PRKCA: variants seen among roughly 807,000 people sequenced by gnomAD.
PRKCA encodes the protein protein kinase C alpha, also known as protein kinase C alpha type.
A neutral mutation model predicts 87.0 loss-of-function variants in PRKCA; 27 were observed. The observed-to-expected ratio is 0.31, with a 90% confidence interval of 0.23 to 0.43. The LOEUF is 0.43. Ranked by LOEUF, PRKCA falls within the 20% of genes least tolerant of loss-of-function variation. The pLI, the probability that PRKCA is intolerant of heterozygous loss-of-function variation, is 1.00. For synonymous variants in PRKCA, 329 were observed against 311.1 expected (o/e 1.06, Z -0.61); for missense variants, 518 against 852.3 (o/e 0.61, Z 4.88).
At chr17:66,483,756 A>G (rs1055823845) in intron 2 of PRKCA, among the ~76,000 whole-genome samples, 2 of 152,212 alleles carry the variant, frequency 1.3e-5, no homozygotes, top group East Asian at 3.9e-4. Context: ...CACCGCACCC[A>G]GCCCAAATTT....
chr17:66,745,041 G>A (rs1473248289), intron 13 of PRKCA, among the ~76,000 whole-genome samples: 1 of 152,210 alleles, frequency 6.6e-6, no homozygotes, highest in Non-Finnish European at 1.5e-5. Context: ...CATCTCCCTA[G>A]CTCAAGATCC....
intron 2 of PRKCA, among the ~76,000 whole-genome samples, chr17:66,427,351 A>T (rs551879132): frequency 6.6e-6 from 1 of 152,318 alleles, no homozygotes; most frequent in Admixed American, 6.5e-5. Context: ...TTTTGTAAAT[A>T]AAGTTTTATT....
At chr17:66,672,305 G>T (rs1213681094) in intron 5 of PRKCA, among the ~76,000 whole-genome samples, 1 of 152,140 alleles carries the variant, frequency 6.6e-6, no homozygotes, top group Non-Finnish European at 1.5e-5. Context: ...TGAATAAGGA[G>T]TTAAGTCAGG....
intron 3 of PRKCA, among the ~76,000 whole-genome samples, chr17:66,518,166 C>T (rs1026119479): frequency 3.9e-5 from 6 of 152,150 alleles, no homozygotes; most frequent in South Asian, 2.1e-4. Context: ...AAATATTAGG[C>T]GAGGAGAAGG....
chr17:66,744,699 C>T (rs1025516999), intron 13 of PRKCA, among the ~76,000 whole-genome samples: 1 of 152,130 alleles, frequency 6.6e-6, no homozygotes, highest in Non-Finnish European at 1.5e-5. Flanking sequence ...TAACAGATAA[C>T]CACAAACTCA....
At chr17:66,802,062 A>G (rs72838639) in intron 16 of PRKCA, among the ~76,000 whole-genome samples, 45 of 152,218 alleles carry the variant, frequency 3.0e-4, no homozygotes, top group African/African-American at 7.0e-4. Context: ...CAATACAAAA[A>G]ATGCAAAAAA....
intron 2 of PRKCA, among the ~76,000 whole-genome samples, chr17:66,384,677 G>T (rs1365230023): frequency 1.3e-5 from 2 of 151,926 alleles, no homozygotes; most frequent in Admixed American, 6.6e-5. Flanking sequence ...CGCCCAGGCT[G>T]GAGTGTAGTG....
At position 66,807,878 on chromosome 17, in the gene PRKCA, A is replaced by C. The variant is rs544471125; in HGVS notation, c.*3841A>C. ...CCAGAGAAGAACAGGGTTTGGGTGC[A>C]TCCAGAAATATGCCTGCAGTAGGAG... On this transcript the variant is annotated 3_prime_UTR_variant, in exon 17 of 17. Coordinates refer to ENST00000413366, the MANE Select transcript of PRKCA (RefSeq NM_002737.3). This position sits in a 1 kb window ranked among gnomAD's most constrained non-coding sequence, Gnocchi z 4.3. The C allele has an allele frequency of 1.8e-4, 27 of 152,452 alleles. No homozygotes were observed. The highest frequency in any genetic ancestry group is 6.5e-4 in the African/African-American group (27 of 41,586). The allele number at this position is 152,452 out of a possible 1,614,324, so 9.4% of individuals were successfully genotyped here.
chr17:66,350,941 G>T (rs146842265), intron 2 of PRKCA, among the ~76,000 whole-genome samples: 1 of 152,190 alleles, frequency 6.6e-6, no homozygotes, highest in Non-Finnish European at 1.5e-5. Flanking sequence ...TGTGGAACTC[G>T]CAGCGTTCTT....
chr17:66,607,620 C>T (rs1970248368), intron 3 of PRKCA, among the ~76,000 whole-genome samples: 1 of 152,150 alleles, frequency 6.6e-6, no homozygotes, highest in Non-Finnish European at 1.5e-5. Flanking sequence ...CATCTGGTTC[C>T]TTAGCCAATT....
At chr17:66,308,426 G>A (rs1224689124) in intron 2 of PRKCA, among the ~76,000 whole-genome samples, 1 of 151,848 alleles carries the variant, frequency 6.6e-6, no homozygotes, top group African/African-American at 2.4e-5. Context: ...TTAGCCATTT[G>A]TGTTGTGTGA....
chr17:66,457,571 AT>A (rs1375868701), intron 2 of PRKCA, among the ~76,000 whole-genome samples: 1 of 152,032 alleles, frequency 6.6e-6, no homozygotes, highest in African/African-American at 2.4e-5. Context: ...AGTTCCCATA[AT>A]CCCCATGTGG....
chr17:66,612,381 C>CAAAAAAAAAAAAA, intron 3 of PRKCA, among the ~76,000 whole-genome samples: 1 of 87,858 alleles, frequency 1.1e-5, no homozygotes, highest in Non-Finnish European at 2.3e-5. Flanking sequence ...AAATCTGTCT[C>CAAAAAAAAAAAAA]AAAAAAAAAA....
In PRKCA at chr17:66,671,376, C is replaced by G. The variant is rs538969384; in HGVS notation, c.530-15735C>G. ...TGTTTTCAGCCCCTCCCCTTGCTAG[C>G]TGGGTGACCTTGTCCTAGGTACTGC... On this transcript the variant is annotated intron_variant, in intron 5 of 16. Transcript: ENST00000413366. Among the ~76,000 whole-genome samples the G allele has an allele frequency of 2.6e-5, 4 of 152,168 alleles. No individual in the cohort carries two copies. In the East Asian group the frequency reaches 5.8e-4, roughly 22 times the overall value.
At chr17:66,336,124 A>G (rs1054012252) in intron 2 of PRKCA, among the ~76,000 whole-genome samples, 1 of 152,160 alleles carries the variant, frequency 6.6e-6, no homozygotes, top group Non-Finnish European at 1.5e-5. Context: ...CACTTTCATT[A>G]ATAGTACCTG....
intron 3 of PRKCA, 62 bp from the exon 4 acceptor site, chr17:66,641,293 C>A: frequency 3.2e-6 from 4 of 1,254,088 alleles, no homozygotes; most frequent in Non-Finnish European, 3.5e-6. Context: ...CTGAGCTTGG[C>A]TTAATCTAAA....
chr17:66,753,311 C>T (rs951893736), intron 13 of PRKCA, among the ~76,000 whole-genome samples: 1 of 152,246 alleles, frequency 6.6e-6, no homozygotes, highest in Non-Finnish European at 1.5e-5. Flanking sequence ...CTTCCAGGGC[C>T]TCTTGCCAAG....
intron 2 of PRKCA, among the ~76,000 whole-genome samples, chr17:66,337,410 G>C (rs547529688): frequency 9.6e-4 from 146 of 152,022 alleles, no homozygotes; most frequent in Non-Finnish European, 9.4e-4. Flanking sequence ...GTTTTGTTTT[G>C]AGACAGTCTC....
chr17:66,557,963 A>T (rs1968554282), intron 3 of PRKCA, among the ~76,000 whole-genome samples: 1 of 152,210 alleles, frequency 6.6e-6, no homozygotes, highest in Admixed American at 6.5e-5. Context: ...TGCAGTCCAG[A>T]CACCTGCCAG....
Sources: gnomAD v4.1 joint callset for allele counts (sites outside exome capture counted in the v4.1 genomes callset) on GRCh38, gnomAD v4.1.1 for gene constraint, Gnocchi (gnomAD v3.1) non-coding constraint, MANE v1.5 for transcripts, NCBI Gene and HGNC (gene_info 2026-07-23, HGNC 2026-07-21) for gene names.